The following NAALADL2 variants were observed in gnomAD, a reference collection of about 807,000 sequenced individuals.
NAALADL2 encodes the protein N-acetylated alpha-linked acidic dipeptidase like 2.
A neutral mutation model predicts 87.2 loss-of-function variants in NAALADL2; 76 were observed. The observed-to-expected ratio is 0.87, with a 90% confidence interval of 0.72 to 1.05. The LOEUF (loss-of-function observed/expected upper bound fraction) is 1.05. NAALADL2 is among the 50% of genes least tolerant of loss of function. The pLI is 0.00. For synonymous variants in NAALADL2, 354 were observed against 331.0 expected (o/e 1.07, Z -0.75); for missense variants, 1,089 against 945.8 (o/e 1.15, Z -1.99).
chr3:175,388,460 A>G (rs1768680567), intron 5 of NAALADL2, among the ~76,000 whole-genome samples: 1 of 152,144 alleles, frequency 6.6e-6, no homozygotes, highest in Non-Finnish European at 1.5e-5. Context: ...AAATACAAAA[A>G]TCGATGTTGA....
intron 9 of NAALADL2, among the ~76,000 whole-genome samples, chr3:175,566,861 AT>A (rs1164571407): frequency 6.6e-6 from 1 of 152,042 alleles, no homozygotes; most frequent in Non-Finnish European, 1.5e-5. Context: ...ATGTTTGTTT[AT>A]GGTAATTTTT....
chr3:174,513,302 A>G lies in NAALADL2; in HGVS notation c.-183-37267A>G, dbSNP rs1578059802. 2.0e-5 allele frequency among the ~76,000 whole-genome samples: 3 copies of G among 152,248 alleles called. No individual in the cohort carries two copies. The East Asian group carries it at 5.8e-4, about 30-fold the overall frequency. On this transcript the variant is annotated intron_variant, in intron 1 of 3. Transcript: ENST00000434257. ...GCTTGAATTTCAATGACATGCTGGT[A>G]TTGTATATATCTCCATCTAGATAAT...
intron 11 of NAALADL2, among the ~76,000 whole-genome samples, chr3:175,671,498 T>C (rs965397905): frequency 2.6e-5 from 4 of 151,978 alleles, no homozygotes; most frequent in African/African-American, 9.7e-5. Flanking sequence ...TTGTTATATG[T>C]TGAGAAAATG....
At chr3:175,034,324 C>A (rs1753151636) in intron 1 of NAALADL2, among the ~76,000 whole-genome samples, 1 of 152,106 alleles carries the variant, frequency 6.6e-6, no homozygotes. Flanking sequence ...GATACAAGTT[C>A]TGATTGTCCT....
In NAALADL2 at chr3:175,660,911, CA is replaced by C. The variant is rs1466381847; in HGVS notation, c.1896+33526del. On this transcript the variant is annotated intron_variant, in intron 11 of 13. Transcript: ENST00000454872. ...TTTTCTTTATTCATCTGTTGATGGA[CA>C]CTTGATTCTATATCTTGCCTATTGT... Among the ~76,000 whole-genome samples, 10 of 152,082 alleles carry C rather than the reference CA, an allele frequency of 6.6e-5. 1 individual carries two copies. The East Asian group carries it at 1.2e-3, about 18-fold the overall frequency.
intron 1 of NAALADL2, among the ~76,000 whole-genome samples, chr3:174,458,945 T>A (rs1476756051): frequency 6.6e-6 from 1 of 152,092 alleles, no homozygotes; most frequent in Non-Finnish European, 1.5e-5. Flanking sequence ...ATGATCAAAG[T>A]AGCAAGCTAG....
chr3:175,658,816 T>C (rs989815362), intron 11 of NAALADL2, among the ~76,000 whole-genome samples: 62 of 152,344 alleles, frequency 4.1e-4, no homozygotes, highest in Middle Eastern at 6.8e-3. Context: ...CTTCATTTAG[T>C]TTCAAAATTA....
At chr3:175,454,055 T>C (rs1013877975) in intron 6 of NAALADL2, among the ~76,000 whole-genome samples, 2 of 152,118 alleles carry the variant, frequency 1.3e-5, no homozygotes, top group Non-Finnish European at 2.9e-5. Flanking sequence ...TACGTATTTT[T>C]TGCTTTCAAC....
intron 3 of NAALADL2, among the ~76,000 whole-genome samples, chr3:174,793,266 C>CAT (rs1717681367): frequency 6.6e-6 from 1 of 151,860 alleles, no homozygotes; most frequent in Admixed American, 6.6e-5. Flanking sequence ...TATTGGGGTT[C>CAT]ATATATATAA....
chr3:174,567,248 T>C (rs1714393693), intron 2 of NAALADL2, among the ~76,000 whole-genome samples: 2 of 151,678 alleles, frequency 1.3e-5, no homozygotes, highest in East Asian at 1.9e-4. Flanking sequence ...GGAAATATAA[T>C]GTGTACATAT....
In NAALADL2 at chr3:174,848,007, C is replaced by CT. The variant is rs201813674; in HGVS notation, c.-9+110274dup. 5.3e-3 allele frequency among the ~76,000 whole-genome samples: 673 copies of CT among 128,022 alleles called. 2 individuals carry two copies. Among genetic ancestry groups the CT allele is most frequent in the South Asian group, 0.029 (126 of 4,370 alleles). 84.0% of individuals were successfully genotyped at this position (128,022 alleles called of 152,430 possible). On this transcript the variant is annotated intron_variant, in intron 3 of 3. Transcript: ENST00000434257. ...TAAGTATTCTAACTCTTTTCTCTCTCTTTTTTTTTTTTTACTTCTTTGCTC... is the reference window on the plus strand; with the variant it reads ...TAAGTATTCTAACTCTTTTCTCTCTCTTTTTTTTTTTTTTACTTCTTTGCTC...
chr3:175,534,653 CT>C (rs113648294), intron 9 of NAALADL2, among the ~76,000 whole-genome samples: 14,797 of 145,282 alleles, frequency 0.1, 830 homozygotes, highest in Middle Eastern at 0.15. Flanking sequence ...ATATTGTCAG[CT>C]TTTTTTTTTT....
chr3:174,911,943 G>C (rs1393624024), intron 1 of NAALADL2, among the ~76,000 whole-genome samples: 2 of 152,062 alleles, frequency 1.3e-5, no homozygotes, highest in African/African-American at 4.8e-5. Flanking sequence ...CAGACTTATA[G>C]CTGTCTTCCA....
chr3:174,845,258 G>A (rs1023373099), intron 3 of NAALADL2, among the ~76,000 whole-genome samples: 1 of 152,292 alleles, frequency 6.6e-6, no homozygotes, highest in Admixed American at 6.5e-5. Flanking sequence ...GCAAATGAGA[G>A]CCTGGCAGCT....
At chr3:174,884,016 T>C (rs1729753733) in intron 1 of NAALADL2, among the ~76,000 whole-genome samples, 1 of 152,156 alleles carries the variant, frequency 6.6e-6, no homozygotes, top group Admixed American at 6.5e-5. Context: ...CTTCTTAGCC[T>C]GTTGACTTAA....
chr3:175,417,327 A>G (rs1714829477), intron 5 of NAALADL2, among the ~76,000 whole-genome samples: 2 of 152,022 alleles, frequency 1.3e-5, no homozygotes, highest in Non-Finnish European at 2.9e-5. Flanking sequence ...TTAATCGTCC[A>G]TCATAAATTA....
intron 2 of NAALADL2, among the ~76,000 whole-genome samples, chr3:175,199,195 G>C (rs886907811): frequency 6.6e-6 from 1 of 152,128 alleles, no homozygotes; most frequent in African/African-American, 2.4e-5. Flanking sequence ...TCTTTTGAAT[G>C]ACATTGAAGG....
At chr3:175,250,079 A>C (rs997530509) in intron 3 of NAALADL2, among the ~76,000 whole-genome samples, 4 of 151,734 alleles carry the variant, frequency 2.6e-5, no homozygotes, top group Admixed American at 2.6e-4. Context: ...CTGAGGCAGG[A>C]GAATCGCTTG....
At chr3:174,869,983 C>T (rs67794757) in intron 1 of NAALADL2, among the ~76,000 whole-genome samples, 15,862 of 126,366 alleles carry the variant, frequency 0.13, 1,003 homozygotes, top group Middle Eastern at 0.21. Flanking sequence ...GCAACAAGAG[C>T]GACAAAACTC....
Sources: allele counts gnomAD v4.1 joint callset (sites outside exome capture counted in the v4.1 genomes callset), GRCh38; gene constraint gnomAD v4.1.1; transcripts MANE v1.5; gene names NCBI Gene and HGNC (gene_info 2026-07-23, HGNC 2026-07-21).